The following FAM200B variants were observed in gnomAD, a reference collection of about 807,000 sequenced individuals.
FAM200B encodes the protein zinc finger BED-type containing 11.
FAM200B carries 32 observed loss-of-function variants against 33.1 expected under a neutral mutation model. That is an observed-to-expected ratio of 0.97 (90% CI 0.73 to 1.30). The LOEUF (loss-of-function observed/expected upper bound fraction) is 1.30. Among genes scored for constraint, FAM200B ranks in the 50% most tolerant of loss-of-function variants. FAM200B has a pLI of 0.00. For synonymous variants in FAM200B, 240 were observed against 264.8 expected (o/e 0.91, Z 0.91); for missense variants, 741 against 754.0 (o/e 0.98, Z 0.20).
chr4:15,658,257 G>C, the FAM200B span, among the ~76,000 whole-genome samples: 1 of 152,224 alleles, frequency 6.6e-6, no homozygotes, highest in African/African-American at 2.4e-5. Context: ...GACCCAGTTG[G>C]AATCATAGTC....
At chr4:15,672,788 A>G in the FAM200B span, among the ~76,000 whole-genome samples, 1 of 152,206 alleles carries the variant, frequency 6.6e-6, no homozygotes, top group Admixed American at 6.5e-5. Flanking sequence ...TTTTTATTTT[A>G]TAAACTTAAA....
At chr4:15,639,259 G>A in the FAM200B span, among the ~76,000 whole-genome samples, 1 of 152,128 alleles carries the variant, frequency 6.6e-6, no homozygotes. Flanking sequence ...GGACCAGAAG[G>A]CTTTCCCTTT....
chr4:15,658,200 T>C, the FAM200B span, among the ~76,000 whole-genome samples: 438 of 152,332 alleles, frequency 2.9e-3, 6 homozygotes, highest in African/African-American at 0.01. Context: ...CTTTCCCTAA[T>C]AGGGGATTAG....
At chr4:15,651,625 C>A in the FAM200B span, among the ~76,000 whole-genome samples, 1 of 152,142 alleles carries the variant, frequency 6.6e-6, no homozygotes, top group African/African-American at 2.4e-5. Context: ...TATACTCACT[C>A]ATTTTTTAAA....
At chr4:15,681,312 C>T (rs1336754551), upstream of FAM200B, 1 of 156,438 alleles carries the variant, frequency 6.4e-6, no homozygotes, top group Non-Finnish European at 1.5e-5. Context: ...CCTGGCCCCG[C>T]CAGGTCGGGG....
At position 15,688,219 on chromosome 4, in the gene FAM200B, T is replaced by C. The variant is rs1204941607; in HGVS notation, c.1242T>C (p.Ser414=). ...ACTTTTTTCTCATTGAAAAAAAATC[T>C]CATTTGGCAAGTATTTTTGAAGATG... The part of the protein sequence containing the change: ...EIHFFLIEKK[S]HLASIFEDDT... The change falls in exon 2 of 2, where the codon TCT becomes TCC. Residue 414 remains serine (S), a synonymous_variant. Transcript: ENST00000422728. 2.6e-6 allele frequency: 4 copies of C among 1,550,602 alleles called. No homozygotes were observed. In the African/African-American group the frequency reaches 5.5e-5, roughly 21 times the overall value.
chr4:15,668,911 C>T, the FAM200B span, among the ~76,000 whole-genome samples: 1 of 152,152 alleles, frequency 6.6e-6, no homozygotes, highest in African/African-American at 2.4e-5. Context: ...AGTGACAACA[C>T]AGTAGCTCAT....
chr4:15,640,759 C>G, the FAM200B span: 2 of 1,221,922 alleles, frequency 1.6e-6, no homozygotes, highest in South Asian at 2.7e-5. Flanking sequence ...TGTTATAAAT[C>G]TAAATCACGA....
At chr4:15,640,429 CAT>C in the FAM200B span, among the ~76,000 whole-genome samples, 3 of 109,260 alleles carry the variant, frequency 2.7e-5, no homozygotes, top group African/African-American at 9.9e-5. Context: ...AATCTTTAAA[CAT>C]AGCATGAAAA....
the FAM200B span, among the ~76,000 whole-genome samples, chr4:15,668,960 T>TA: frequency 6.6e-6 from 1 of 152,220 alleles, no homozygotes; most frequent in Non-Finnish European, 1.5e-5. Flanking sequence ...AAGCAATAGT[T>TA]ACTATAAGTC....
At chr4:15,671,731 A>G in the FAM200B span, among the ~76,000 whole-genome samples, 1 of 152,160 alleles carries the variant, frequency 6.6e-6, no homozygotes, top group African/African-American at 2.4e-5. Context: ...AAACTTATGC[A>G]CAGCTCACTG....
Position 15,689,072 on chromosome 4 carries a change from A to G in FAM200B, c.*121A>G. The G allele has an allele frequency of 1.3e-6, 1 of 765,736 alleles. No individual in the cohort carries two copies. The highest frequency in any genetic ancestry group is 1.8e-6 in the Non-Finnish European group (1 of 543,600). 47.4% of individuals were successfully genotyped at this position (765,736 alleles called of 1,614,324 possible). On this transcript the variant is annotated 3_prime_UTR_variant, in exon 2 of 2. Transcript: ENST00000422728. ...TTTGTTATGTTTTAATTTTTGTTAT[A>G]TTTAATAAAATTATTTTATGTTCAT...
At chr4:15,683,993 C>CCACACCATATA (rs1388603234) in intron 1 of FAM200B, among the ~76,000 whole-genome samples, 5 of 152,192 alleles carry the variant, frequency 3.3e-5, no homozygotes, top group African/African-American at 1.2e-4. Flanking sequence ...CGTGTTAATG[C>CCACACCATATA]ACCTTGGTGT....
chr4:15,652,798 C>T, the FAM200B span, among the ~76,000 whole-genome samples: 27 of 152,084 alleles, frequency 1.8e-4, no homozygotes, highest in African/African-American at 6.5e-4. Context: ...GCATTCAGAG[C>T]CCAAATTTGT....
chr4:15,644,670 A>G, the FAM200B span: 29 of 1,611,392 alleles, frequency 1.8e-5, no homozygotes, highest in Non-Finnish European at 2.4e-5. Context: ...GCAGAAGAGC[A>G]CGGAAATCGT....
chr4:15,641,430 G>C, the FAM200B span: 525 of 354,100 alleles, frequency 1.5e-3, 2 homozygotes, highest in African/African-American at 0.011. Flanking sequence ...TGAGGATAAA[G>C]ACATTTATGA....
the FAM200B span, chr4:15,644,721 T>G: frequency 6.3e-7 from 1 of 1,578,840 alleles, no homozygotes; most frequent in Non-Finnish European, 8.6e-7. Flanking sequence ...GAATAAAAAT[T>G]TAAAAAGAAA....
chr4:15,665,391 C>T, the FAM200B span, among the ~76,000 whole-genome samples: 1 of 152,158 alleles, frequency 6.6e-6, no homozygotes, highest in Non-Finnish European at 1.5e-5. Flanking sequence ...TTCTCTCCAA[C>T]AACGGCTTAT....
Position 15,687,731 on chromosome 4 carries a change from G to A in FAM200B, c.754G>A (p.Asp252Asn), listed in dbSNP as rs1348883058. ...LVYVRYAWQD[D>N]FLEDFLCFLN... ...TTATGTCAGATATGCGTGGCAAGAT[G>A]ATTTTTTGGAGGATTTTTTGTGTTT... Residue 252 changes from aspartate (D) to asparagine (N), a missense_variant, in exon 2 of 2, where the codon GAT (aspartate) becomes AAT (asparagine). By Grantham distance (23) the Asp-to-Asn change is conservative (BLOSUM62 1). Coordinates refer to ENST00000422728, the MANE Select transcript of FAM200B (RefSeq NM_001145191.2). The A allele has an allele frequency of 1.3e-6, 2 of 1,550,450 alleles. No homozygotes were observed. Among genetic ancestry groups the A allele is most frequent in the Non-Finnish European group, 1.7e-6 (2 of 1,146,450 alleles).
Sources: allele counts gnomAD v4.1 joint callset (sites outside exome capture counted in the v4.1 genomes callset), GRCh38; gene constraint gnomAD v4.1.1; transcripts MANE v1.5; gene names NCBI Gene and HGNC (gene_info 2026-07-23, HGNC 2026-07-21).